Variants in EXD1 observed in about 807,000 individuals in gnomAD.
EXD1 encodes piRNA biogenesis protein EXD1.
A neutral mutation model predicts 49.1 loss-of-function variants in EXD1; 63 were observed. The observed-to-expected ratio is 1.28, with a 90% confidence interval of 1.05 to 1.58. The LOEUF is 1.58. Ranked by LOEUF, EXD1 falls within the 40% of genes most tolerant of loss-of-function variation. The probability of loss-of-function intolerance (pLI) is 0.00; values close to 1 mark genes in which losing one functional copy is unlikely to be tolerated. For synonymous variants in EXD1, 234 were observed against 239.2 expected, an observed-to-expected ratio of 0.98 and a Z score of 0.20; for missense variants, 748 against 666.0, an observed-to-expected ratio of 1.12 and a Z score of -1.36.
intron 2 of EXD1, 122 bp downstream of exon 2, chr15:41,226,321 C>G: frequency 1.1e-6 from 1 of 937,414 alleles, no homozygotes; most frequent in African/African-American, 1.7e-5. Flanking sequence ...AATATTCTAA[C>G]CTTCCTCCCA....
chr15:41,227,079 T>C (rs1004171589), intron 1 of EXD1, among the ~76,000 whole-genome samples: 5 of 152,252 alleles, frequency 3.3e-5, no homozygotes, highest in African/African-American at 1.2e-4. Context: ...GTTGAGAATT[T>C]AAGGGCATGG....
chr15:41,220,501 G>A (rs1430491638), intron 2 of EXD1, among the ~76,000 whole-genome samples: 9 of 152,140 alleles, frequency 5.9e-5, no homozygotes, highest in East Asian at 1.9e-4. Flanking sequence ...CTTGTGATCC[G>A]CTTGCCTCAG....
chr15:41,198,267 G>A (rs1208510797), intron 7 of EXD1, among the ~76,000 whole-genome samples: 3 of 152,130 alleles, frequency 2.0e-5, no homozygotes, highest in African/African-American at 7.2e-5. Context: ...ACAAACCCAT[G>A]ATTAGAGGGC....
intron 7 of EXD1, 83 bp from the exon 8 acceptor site, chr15:41,196,120 G>A (rs537812039): frequency 6.0e-5 from 56 of 925,716 alleles, no homozygotes; most frequent in African/African-American, 5.8e-4. Flanking sequence ...AGTAAAAGAC[G>A]TGATAAAATA....
intron 3 of EXD1, 32 bp from the exon 4 acceptor site, chr15:41,217,186 T>G: frequency 6.3e-7 from 1 of 1,594,696 alleles, no homozygotes; most frequent in East Asian, 2.2e-5. Context: ...TCCAACAGAG[T>G]TTCCAATCAG....
At chr15:41,214,947 G>T (rs536707994) in intron 6 of EXD1, among the ~76,000 whole-genome samples, 9 of 151,984 alleles carry the variant, frequency 5.9e-5, no homozygotes, top group Non-Finnish European at 1.3e-4. Context: ...GGTTTTCACC[G>T]TGTTAGCCAG....
chr15:41,201,580 C>T (rs564997271), intron 7 of EXD1, among the ~76,000 whole-genome samples: 11 of 148,780 alleles, frequency 7.4e-5, no homozygotes, highest in African/African-American at 2.7e-4. Context: ...ACCTCCATCT[C>T]CTAGGTTCAA....
chr15:41,222,934 CAAAAAAAA>C (rs562493256), intron 2 of EXD1, among the ~76,000 whole-genome samples: 35,886 of 101,090 alleles, frequency 0.35, 6,173 homozygotes, highest in African/African-American at 0.54. Flanking sequence ...GACTCTGTCT[CAAAAAAAA>C]AAAAAAAAAA....
At chr15:41,193,809 A>G (rs1233058198) in intron 9 of EXD1, among the ~76,000 whole-genome samples, 2 of 151,940 alleles carry the variant, frequency 1.3e-5, no homozygotes, top group Admixed American at 1.3e-4. Context: ...AAAAGCTAAT[A>G]AAATAAATAA....
chr15:41,202,833 G>T (rs983246856), intron 7 of EXD1, among the ~76,000 whole-genome samples: 2 of 151,040 alleles, frequency 1.3e-5, no homozygotes, highest in Non-Finnish European at 2.9e-5. Flanking sequence ...CGCGAGAATC[G>T]CTGGAACTCA....
At chr15:41,198,141 C>G (rs1198047014) in intron 7 of EXD1, among the ~76,000 whole-genome samples, 1 of 152,088 alleles carries the variant, frequency 6.6e-6, no homozygotes, top group Non-Finnish European at 1.5e-5. Context: ...TCCTAAAACC[C>G]TTGGAATCTT....
chr15:41,206,475 A>G (rs1046335812), intron 7 of EXD1, among the ~76,000 whole-genome samples: 3 of 70,076 alleles, frequency 4.3e-5, no homozygotes, highest in African/African-American at 1.1e-4. Context: ...CCCTGTCTCG[A>G]AAAAAAAAAA....
chr15:41,215,021 A>G (rs2140890271), intron 6 of EXD1, among the ~76,000 whole-genome samples: 1 of 152,282 alleles, frequency 6.6e-6, no homozygotes, highest in Non-Finnish European at 1.5e-5. Context: ...CTGGGATTAC[A>G]GGCGTGAGCC....
At chr15:41,200,696 G>A (rs1235059451) in intron 7 of EXD1, among the ~76,000 whole-genome samples, 1 of 152,148 alleles carries the variant, frequency 6.6e-6, no homozygotes. Flanking sequence ...GGCACCTGAA[G>A]TTGAGGGCAG....
intron 6 of EXD1, among the ~76,000 whole-genome samples, chr15:41,215,341 C>T (rs1383955154): frequency 6.6e-6 from 1 of 152,004 alleles, no homozygotes; most frequent in Non-Finnish European, 1.5e-5. Context: ...CATATAGCAG[C>T]CACCAAATAT....
intron 7 of EXD1, among the ~76,000 whole-genome samples, chr15:41,199,340 A>T (rs1010323744): frequency 6.6e-6 from 1 of 151,018 alleles, no homozygotes; most frequent in Non-Finnish European, 1.5e-5. Flanking sequence ...CACCCGTCTC[A>T]GCCTCTCAAA....
At position 41,184,380 on chromosome 15, in the gene EXD1, G is replaced by A. The variant is rs2046371561; in HGVS notation, c.1270C>T (p.Pro424Ser). 6.2e-7 allele frequency: 1 copy of A among 1,613,976 alleles called. No individual in the cohort carries two copies. Among genetic ancestry groups the A allele is most frequent in the African/African-American group, 1.3e-5 (1 of 74,974 alleles). ...FGKNFRIDKAPSFTSQDFHGD... is the reference protein window; with the variant it reads ...FGKNFRIDKASSFTSQDFHGD... ...TGAAAGTCTTGAGATGTAAAACTTGGAGCTTTATCTATCCTAAAATTTTTA... is the reference window on the plus strand; with the variant it reads ...TGAAAGTCTTGAGATGTAAAACTTGAAGCTTTATCTATCCTAAAATTTTTA... The change falls in exon 12 of 12, where the codon CCA (proline) becomes TCA (serine). Residue 424 changes from proline to serine, a missense_variant. By Grantham distance (74) the Pro-to-Ser change is moderately conservative. Coordinates refer to ENST00000458580, the MANE Select transcript of EXD1 (RefSeq NM_001286441.2).
At position 41,184,050 on chromosome 15, in the gene EXD1, T is replaced by G. The variant is rs1348248282; in HGVS notation, c.1600A>C (p.Arg534=). 1 of 1,614,232 alleles carries G rather than the reference T, an allele frequency of 6.2e-7. No homozygotes were observed. The highest frequency in any genetic ancestry group is 1.6e-4 in the Middle Eastern group (1 of 6,062). ...TAAAAAGTGTCACTTGGAGACACTCTGGTTTCCTGAGGAAAGGAAGACATT... is the reference window on the plus strand; with the variant it reads ...TAAAAAGTGTCACTTGGAGACACTCGGGTTTCCTGAGGAAAGGAAGACATT... ...VSMSSFPQET[R]VSPSDTFYPI... is the part of the protein sequence containing the mutation. Residue 534 remains arginine, a synonymous_variant, in exon 12 of 12, where the codon AGA becomes CGA. Coordinates refer to ENST00000458580, the MANE Select transcript of EXD1 (RefSeq NM_001286441.2).
chr15:41,229,763 C>T (rs892990975), intron 1 of EXD1, among the ~76,000 whole-genome samples: 7 of 143,896 alleles, frequency 4.9e-5, no homozygotes, highest in Admixed American at 1.4e-4. Context: ...GCAAAAACTC[C>T]GTCTCAAACA....
Sources: allele counts gnomAD v4.1 joint callset (sites outside exome capture counted in the v4.1 genomes callset), GRCh38; gene constraint gnomAD v4.1.1; transcripts MANE v1.5; gene names NCBI Gene and HGNC (gene_info 2026-07-23, HGNC 2026-07-21).